CATSPERE: variants seen among roughly 807,000 people sequenced by gnomAD.
CATSPERE encodes catsper channel auxiliary subunit epsilon, also known as cation channel sperm-associated auxiliary subunit epsilon.
Under a neutral mutation model 114.1 loss-of-function variants are expected in CATSPERE, and 93 were observed. The observed-to-expected ratio is 0.81, with a 90% confidence interval of 0.69 to 0.97. The LOEUF is 0.97. Among genes scored for constraint, CATSPERE ranks in the 50% least tolerant of loss-of-function variants. CATSPERE has a pLI of 0.00. For synonymous variants in CATSPERE, 341 were observed against 384.1 expected (o/e 0.89, Z 1.31); for missense variants, 1,058 against 1,131.6 (o/e 0.93, Z 0.93).
Position 244,621,254 on chromosome 1 carries a change from T to C in CATSPERE, c.2648+3568T>C, listed in dbSNP as rs1390317390. On this transcript the variant is annotated intron_variant, in intron 20 of 21. Transcript: ENST00000366534. The stretch of plus-strand genomic sequence containing the variant: ...ATATATTTATATAGATATATTTATA[T>C]AGATATATTTATATAGATATATCTA... 6.2e-4 allele frequency among the ~76,000 whole-genome samples: 19 copies of C among 30,684 alleles called. 3 individuals carry two copies. Among genetic ancestry groups the C allele is most frequent in the Non-Finnish European group, 1.5e-3 (18 of 11,894 alleles). The allele number at this position is 30,684 out of a possible 152,430, so 20.1% of individuals were successfully genotyped here. A position where few individuals can be genotyped will look rare whatever the true frequency, so the allele number is the denominator to read the frequency against.
At chr1:244,497,744 G>A (rs1673348762) in intron 6 of CATSPERE, among the ~76,000 whole-genome samples, 1 of 152,066 alleles carries the variant, frequency 6.6e-6, no homozygotes. Context: ...TTGCAGTGAG[G>A]TGAGATTGCA....
At chr1:244,510,364 C>T (rs749385600) in intron 7 of CATSPERE, among the ~76,000 whole-genome samples, 16 of 152,016 alleles carry the variant, frequency 1.1e-4, no homozygotes, top group Non-Finnish European at 1.6e-4. Flanking sequence ...AATTTCCATG[C>T]GTTCTTTTCT....
intron 8 of CATSPERE, among the ~76,000 whole-genome samples, chr1:244,523,423 G>A (rs1677955761): frequency 2.1e-5 from 3 of 139,558 alleles, no homozygotes; most frequent in African/African-American, 9.1e-5. Context: ...TTGAAAACTG[G>A]CACAAGACAG....
intron 8 of CATSPERE, among the ~76,000 whole-genome samples, chr1:244,545,201 T>C (rs1659536450): frequency 1.3e-5 from 2 of 152,222 alleles, no homozygotes; most frequent in Admixed American, 1.3e-4. Context: ...GTGAAATTTC[T>C]TGCAGTCCAG....
At chr1:244,464,879 C>A (rs796333726) in intron 2 of CATSPERE, among the ~76,000 whole-genome samples, 11 of 151,114 alleles carry the variant, frequency 7.3e-5, no homozygotes, top group African/African-American at 2.4e-4. Flanking sequence ...ATCTACATTG[C>A]GTTGTAAAAA....
At chr1:244,498,175 C>G (rs3006029) in intron 6 of CATSPERE, among the ~76,000 whole-genome samples, 1 of 152,070 alleles carries the variant, frequency 6.6e-6, no homozygotes, top group Non-Finnish European at 1.5e-5. Context: ...TTTAGAATAA[C>G]ATCCAACTGA....
chr1:244,610,619 A>T, intron 19 of CATSPERE: 1 of 451,178 alleles, frequency 2.2e-6, no homozygotes, highest in South Asian at 2.2e-5. Context: ...CTTTGTAAAG[A>T]CGACCTAGCT....
At chr1:244,468,480 A>G (rs1260236096) in intron 2 of CATSPERE, among the ~76,000 whole-genome samples, 2 of 152,218 alleles carry the variant, frequency 1.3e-5, no homozygotes, top group Non-Finnish European at 2.9e-5. Context: ...TCTTTAATTC[A>G]TAAATGACCA....
chr1:244,623,961 T>C (rs1048955290), intron 20 of CATSPERE, among the ~76,000 whole-genome samples: 2 of 152,072 alleles, frequency 1.3e-5, no homozygotes, highest in African/African-American at 4.8e-5. Context: ...GGGGTGGCTG[T>C]GGCAGTTTCT....
rs150135540 is a variant in CATSPERE at position 244,588,173 on chromosome 1, G to A, written c.2086-309G>A. On this transcript the variant is annotated intron_variant, in intron 13 of 21. Transcript: ENST00000366534. ...CGCACCACTGCACTCCAGCCTGAGC[G>A]ACAGAACAAGACTTCATCTCAAAAA... Among the ~76,000 whole-genome samples, 731 of 132,166 alleles carry A rather than the reference G, an allele frequency of 5.5e-3. 9 individuals carry two copies. Among genetic ancestry groups the A allele is most frequent in the African/African-American group, 0.021 (704 of 33,480 alleles). The allele number at this position is 132,166 out of a possible 152,430, so 86.7% of individuals were successfully genotyped here.
intron 9 of CATSPERE, among the ~76,000 whole-genome samples, chr1:244,559,927 G>A (rs1662288176): frequency 6.6e-6 from 1 of 152,034 alleles, no homozygotes; most frequent in Admixed American, 6.6e-5. Context: ...ATATTTCTAT[G>A]CCTGAAGTAT....
chr1:244,531,348 G>A (rs960784386), intron 8 of CATSPERE, among the ~76,000 whole-genome samples: 1 of 151,796 alleles, frequency 6.6e-6, no homozygotes, highest in Non-Finnish European at 1.5e-5. Flanking sequence ...AATTGCTCTA[G>A]CTAGGACTTC....
chr1:244,451,338 C>T (rs1485918417), upstream of CATSPERE, among the ~76,000 whole-genome samples: 1 of 152,190 alleles, frequency 6.6e-6, no homozygotes, highest in Non-Finnish European at 1.5e-5. This position sits in a 1 kb window ranked among gnomAD's most constrained non-coding sequence, Gnocchi z 6.6. Context: ...CGCTGAGCAC[C>T]ACTCGCCAGA....
intron 13 of CATSPERE, among the ~76,000 whole-genome samples, chr1:244,587,060 T>A (rs1667118365): frequency 1.3e-5 from 2 of 152,218 alleles, no homozygotes; most frequent in African/African-American, 4.8e-5. Flanking sequence ...GCAACATGTA[T>A]CTAAGCATTA....
chr1:244,558,616 G>A (rs553207268), intron 9 of CATSPERE, among the ~76,000 whole-genome samples: 29 of 152,230 alleles, frequency 1.9e-4, no homozygotes, highest in Admixed American at 7.8e-4. Flanking sequence ...ACCAACCTTC[G>A]AAATCCTTGG....
intron 12 of CATSPERE, 104 bp from the exon 13 acceptor site, chr1:244,583,760 T>G: frequency 1.0e-6 from 1 of 964,700 alleles, no homozygotes; most frequent in Non-Finnish European, 1.6e-6. Flanking sequence ...GCGTGGGAGG[T>G]CAATCACACC....
chr1:244,583,941 T>TA lies in CATSPERE; in HGVS notation c.2085+4dup. ...AAAGCATGTCCAATAGCCCAAAAGG[T>TA]AAGCGACATGGGCTGAAGACCCAAA... On this transcript the variant is annotated splice_region_variant and intron_variant, in intron 13 of 21. Transcript: ENST00000366534. 1 of 1,613,784 alleles carries TA rather than the reference T, an allele frequency of 6.2e-7. No homozygotes were observed. Among genetic ancestry groups the TA allele is most frequent in the Non-Finnish European group, 8.5e-7 (1 of 1,179,798 alleles).
intron 7 of CATSPERE, among the ~76,000 whole-genome samples, chr1:244,507,102 G>C (rs1207794338): frequency 6.6e-6 from 1 of 151,796 alleles, no homozygotes; most frequent in African/African-American, 2.4e-5. Flanking sequence ...TTTTTTTATA[G>C]CTGAATAGTA....
At position 244,461,292 on chromosome 1, in the gene CATSPERE, C is replaced by G. The variant is rs373072033; in HGVS notation, c.-138C>G. 150 of 686,372 alleles carry G rather than the reference C, an allele frequency of 2.2e-4. No homozygotes were observed. The East Asian group carries it at 2.7e-3, about 13-fold the overall frequency. 42.5% of individuals were successfully genotyped at this position (686,372 alleles called of 1,614,324 possible). A position where few individuals can be genotyped will look rare whatever the true frequency, so the allele number is the denominator to read the frequency against. On this transcript the variant is annotated 5_prime_UTR_variant, in exon 1 of 22. Coordinates refer to ENST00000366534, the MANE Select transcript of CATSPERE (RefSeq NM_001130957.2). ...ACGCGCACACTTCTCCCTCGCTGGT[C>G]TTCAGGCCCGGCCCGCCCTGTCCAG... is the stretch of plus-strand genomic sequence containing the variant.
Sources: gnomAD v4.1 joint callset for allele counts (sites outside exome capture counted in the v4.1 genomes callset) on GRCh38, gnomAD v4.1.1 for gene constraint, Gnocchi (gnomAD v3.1) non-coding constraint, MANE v1.5 for transcripts, NCBI Gene and HGNC (gene_info 2026-07-23, HGNC 2026-07-21) for gene names.